The following FAM83B variants were observed in gnomAD, a reference collection of about 807,000 sequenced individuals.
FAM83B encodes the protein protein FAM83B.
Under a neutral mutation model 38.8 loss-of-function variants are expected in FAM83B, and 26 were observed. The observed-to-expected ratio is 0.67, with a 90% CI of 0.49 to 0.93. The LOEUF is 0.93. Among genes scored for constraint, FAM83B ranks in the 40% least tolerant of loss-of-function variants. FAM83B has a pLI of 0.00. For missense variants in FAM83B, 1,237 were observed against 1,197.3 expected (o/e 1.03, Z -0.49); for synonymous variants, 419 against 423.1 (o/e 0.99, Z 0.12).
intron 2 of FAM83B, among the ~76,000 whole-genome samples, chr6:54,899,542 A>C (rs1772610349): frequency 6.6e-6 from 1 of 152,172 alleles, no homozygotes; most frequent in Non-Finnish European, 1.5e-5. Context: ...TATTTCTCAC[A>C]ATTCTGGAGA....
At chr6:54,853,019 A>G (rs895770053) in intron 1 of FAM83B, among the ~76,000 whole-genome samples, 1 of 151,996 alleles carries the variant, frequency 6.6e-6, no homozygotes, top group African/African-American at 2.4e-5. Context: ...TTTTTGGCCC[A>G]GGGAAGCCAA....
At chr6:54,919,495 A>C (rs1001240738) in intron 2 of FAM83B, among the ~76,000 whole-genome samples, 1 of 151,980 alleles carries the variant, frequency 6.6e-6, no homozygotes, top group African/African-American at 2.4e-5. Context: ...AATAATCTAG[A>C]TTTTTCCCCC....
At chr6:54,909,259 G>A (rs1377449929) in intron 2 of FAM83B, among the ~76,000 whole-genome samples, 1 of 152,120 alleles carries the variant, frequency 6.6e-6, no homozygotes, top group African/African-American at 2.4e-5. Flanking sequence ...AGGTGTTCAT[G>A]CATAAAATAT....
chr6:54,888,914 C>T (rs915523283), intron 2 of FAM83B, among the ~76,000 whole-genome samples: 2 of 151,920 alleles, frequency 1.3e-5, no homozygotes, highest in African/African-American at 4.8e-5. Context: ...GTTTGTTTAA[C>T]CATGTTCCAG....
At chr6:54,853,135 G>A (rs1376748580) in intron 1 of FAM83B, among the ~76,000 whole-genome samples, 1 of 152,166 alleles carries the variant, frequency 6.6e-6, no homozygotes, top group Non-Finnish European at 1.5e-5. Context: ...GGCTGAGAGA[G>A]ATGAGAAAGC....
At chr6:54,851,204 C>CT (rs1056034304) in intron 1 of FAM83B, among the ~76,000 whole-genome samples, 4 of 151,386 alleles carry the variant, frequency 2.6e-5, no homozygotes, top group African/African-American at 4.9e-5. Context: ...GCCTTTTCAT[C>CT]TTTTTTTGTC....
chr6:54,932,007 C>CCT (rs1773429781), intron 4 of FAM83B, among the ~76,000 whole-genome samples: 2 of 89,188 alleles, frequency 2.2e-5, no homozygotes, highest in Admixed American at 2.8e-4. Context: ...TTACATAAAA[C>CCT]TTTTTTTTTT....
In FAM83B at chr6:54,932,165, C is replaced by T. The variant is rs550612184; in HGVS notation, c.734+4533C>T. On this transcript the variant is annotated intron_variant, in intron 4 of 4. Coordinates refer to ENST00000306858, the MANE Select transcript of FAM83B (RefSeq NM_001010872.3). ...AGCTGTGATTACAGGTGTGCACCAC[C>T]ACGCCTGGGTAATATTTTGTATTTT... 8.5e-5 allele frequency among the ~76,000 whole-genome samples: 13 copies of T among 152,090 alleles called. No homozygotes were observed. In the East Asian group the frequency reaches 9.7e-4, roughly 11 times the overall value.
At chr6:54,860,376 C>T (rs1217280838) in intron 1 of FAM83B, among the ~76,000 whole-genome samples, 1 of 152,056 alleles carries the variant, frequency 6.6e-6, no homozygotes, top group Non-Finnish European at 1.5e-5. Flanking sequence ...ACTCCTATAC[C>T]TTGCCCTATG....
intron 2 of FAM83B, among the ~76,000 whole-genome samples, chr6:54,907,469 C>G (rs963208798): frequency 6.6e-6 from 1 of 152,078 alleles, no homozygotes; most frequent in South Asian, 2.1e-4. Context: ...CACTGCATCT[C>G]TTCAGTTCTT....
At chr6:54,869,612 C>T (rs904725220) in intron 1 of FAM83B, among the ~76,000 whole-genome samples, 4 of 152,098 alleles carry the variant, frequency 2.6e-5, no homozygotes, top group Non-Finnish European at 2.9e-5. Context: ...CAGATTCTTA[C>T]TCATTGCTCC....
In FAM83B at chr6:54,942,055, A is replaced by C; in HGVS notation, c.*48A>C. On this transcript the variant is annotated 3_prime_UTR_variant, in exon 5 of 5. Transcript: ENST00000306858. ...AGGCTATCAATATTTGTCCAAAGAA[A>C]ATTGTGGACAGTCTTTGTAACATGC... 6.5e-7 allele frequency: 1 copy of C among 1,531,004 alleles called. No individual in the cohort carries two copies. Among genetic ancestry groups the C allele is most frequent in the Non-Finnish European group, 8.8e-7 (1 of 1,137,968 alleles). The allele number at this position is 1,531,004 out of a possible 1,614,324, so 94.8% of individuals were successfully genotyped here. A position where few individuals can be genotyped will look rare whatever the true frequency, so the allele number is the denominator to read the frequency against.
chr6:54,900,898 A>G (rs889116866), intron 2 of FAM83B, among the ~76,000 whole-genome samples: 5 of 152,224 alleles, frequency 3.3e-5, no homozygotes, highest in Admixed American at 2.0e-4. Context: ...TGTGTATCCA[A>G]TAAATAACAG....
chr6:54,871,512 A>G (rs1252671976), intron 2 of FAM83B, among the ~76,000 whole-genome samples: 1 of 150,328 alleles, frequency 6.7e-6, no homozygotes, highest in Non-Finnish European at 1.5e-5. Context: ...TGAGGTCAGG[A>G]GTTTGAGACT....
intron 4 of FAM83B, among the ~76,000 whole-genome samples, chr6:54,933,004 G>A (rs1050957097): frequency 6.6e-6 from 1 of 151,976 alleles, no homozygotes; most frequent in African/African-American, 2.4e-5. Flanking sequence ...CCTCAGACTT[G>A]GGAAGTTTTT....
Position 54,941,166 on chromosome 6 carries a change from G to A in FAM83B, c.2195G>A (p.Gly732Asp), listed in dbSNP as rs1324870750. The A allele has an allele frequency of 1.9e-6, 3 of 1,613,900 alleles. No homozygotes were observed. The highest frequency in any genetic ancestry group is 1.7e-5 in the Admixed American group (1 of 59,968). Residue 732 changes from glycine to aspartate, a missense_variant, in exon 5 of 5, where the codon GGC (glycine) becomes GAC (aspartate). Transcript: ENST00000306858. ...GTTACCAAGAGAAACTCTCCAAGTG[G>A]CACTACTACCAAATCAGTTTCCATT... ...EEVTKRNSPS[G>D]TTTKSVSIAA...
intron 2 of FAM83B, among the ~76,000 whole-genome samples, chr6:54,916,512 G>A (rs550312020): frequency 6.6e-6 from 1 of 152,170 alleles, no homozygotes; most frequent in African/African-American, 2.4e-5. Context: ...TCATTTTATA[G>A]TGCCAATTGT....
At position 54,944,037 on chromosome 6, in the gene FAM83B, A is replaced by T. The variant is rs1773755816; in HGVS notation, c.*2030A>T. 6.6e-6 allele frequency: 1 copy of T among 152,142 alleles called. No homozygotes were observed. The highest frequency in any genetic ancestry group is 2.1e-4 in the South Asian group (1 of 4,834). 9.4% of individuals were successfully genotyped at this position (152,142 alleles called of 1,614,324 possible). On this transcript the variant is annotated 3_prime_UTR_variant, in exon 5 of 5. Coordinates refer to ENST00000306858, the MANE Select transcript of FAM83B (RefSeq NM_001010872.3). ...AGGTGACTTAGGCTTTGCACAGCAGATTTATTTTTCTCTGCGTTTTTTAAA... is the reference window on the plus strand; with the variant it reads ...AGGTGACTTAGGCTTTGCACAGCAGTTTTATTTTTCTCTGCGTTTTTTAAA...
intron 2 of FAM83B, among the ~76,000 whole-genome samples, chr6:54,872,399 C>G (rs991017839): frequency 6.6e-6 from 1 of 152,108 alleles, no homozygotes; most frequent in Non-Finnish European, 1.5e-5. Context: ...TAATAAATAT[C>G]AAGTATTAAT....
Sources: gnomAD v4.1 joint callset for allele counts (sites outside exome capture counted in the v4.1 genomes callset) on GRCh38, gnomAD v4.1.1 for gene constraint, MANE v1.5 for transcripts, NCBI Gene and HGNC (gene_info 2026-07-23, HGNC 2026-07-21) for gene names.